The following CPNE8 variants were observed in gnomAD, a reference collection of about 807,000 sequenced individuals.
CPNE8 encodes the protein copine 8, also known as copine-8.
In CPNE8, 45 loss-of-function variants were observed where a neutral mutation model predicts 81.5. The ratio of observed to expected loss-of-function variants is 0.55; its 90% CI spans 0.44 to 0.71. The LOEUF (loss-of-function observed/expected upper bound fraction) is 0.71. CPNE8 is among the 30% of genes least tolerant of loss of function. The pLI is 0.00. For missense variants in CPNE8, 594 were observed against 672.1 expected, an observed-to-expected ratio of 0.88 and a Z score of 1.28; for synonymous variants, 252 against 226.3, an observed-to-expected ratio of 1.11 and a Z score of -1.02.
In CPNE8 at chr12:38,653,903, A is replaced by G; in HGVS notation, c.1674T>C (p.His558=). The G allele has an allele frequency of 6.2e-7, 1 of 1,613,086 alleles. No individual in the cohort carries two copies. The highest frequency in any genetic ancestry group is 8.5e-7 in the Non-Finnish European group (1 of 1,179,794). ...ACAGTCATATTTGAGTCTGTAACAC[A>G]TGTGTAGGTGGGGTGTATGGGGGAG... ...PAPPPYTPPT[H]VLQTQI Residue 558 remains histidine (H), a synonymous_variant, in exon 20 of 20, where the codon CAT becomes CAC. Transcript: ENST00000331366.
intron 13 of CPNE8, among the ~76,000 whole-genome samples, chr12:38,708,146 G>T (rs966810912): frequency 2.0e-5 from 3 of 152,112 alleles, no homozygotes; most frequent in Admixed American, 6.6e-5. Flanking sequence ...TAAATCAAGT[G>T]TCATATTCTA....
chr12:38,873,947 A>C (rs994627288), intron 2 of CPNE8, among the ~76,000 whole-genome samples: 10 of 150,698 alleles, frequency 6.6e-5, no homozygotes, highest in Admixed American at 2.0e-4. Context: ...CTTTTATTTT[A>C]TTTTTCTTTT....
chr12:38,685,450 C>T, intron 16 of CPNE8, 40 bp downstream of exon 16: 1 of 1,599,320 alleles, frequency 6.3e-7, no homozygotes. Flanking sequence ...CACCATGTTC[C>T]AGTACATCAG....
At position 38,721,525 on chromosome 12, in the gene CPNE8, T is replaced by A. The variant is rs184528184; in HGVS notation, c.914+2247A>T. ...CAGTTCTATTGCTCAATAAAACTCC[T>A]CTTCATCTTGGCTCACCCTTCATTT... On this transcript the variant is annotated intron_variant, in intron 13 of 19. Transcript: ENST00000331366. Among the ~76,000 whole-genome samples, 7 of 152,322 alleles carry A rather than the reference T, an allele frequency of 4.6e-5. No homozygotes were observed. In the East Asian group the frequency reaches 1.4e-3, roughly 29 times the overall value.
intron 19 of CPNE8, among the ~76,000 whole-genome samples, chr12:38,659,780 T>A (rs1288408913): frequency 6.6e-6 from 1 of 151,810 alleles, no homozygotes; most frequent in Non-Finnish European, 1.5e-5. Flanking sequence ...AACTGAACAA[T>A]CTGCTCAATG....
intron 14 of CPNE8, among the ~76,000 whole-genome samples, chr12:38,698,124 C>T (rs1322371276): frequency 1.3e-5 from 2 of 152,158 alleles, no homozygotes; most frequent in East Asian, 3.8e-4. Context: ...AATGATATCT[C>T]ATTATAGTTT....
chr12:38,732,578 G>T (rs1401791345), intron 10 of CPNE8, among the ~76,000 whole-genome samples: 1 of 151,910 alleles, frequency 6.6e-6, no homozygotes, highest in East Asian at 1.9e-4. Flanking sequence ...GTTCTGAAAG[G>T]ACCCTTTTTA....
intron 19 of CPNE8, among the ~76,000 whole-genome samples, chr12:38,659,773 T>C (rs1004681603): frequency 5.3e-5 from 8 of 152,088 alleles, no homozygotes; most frequent in African/African-American, 1.9e-4. Context: ...ATACGGAAAC[T>C]GAACAATCTG....
intron 13 of CPNE8, among the ~76,000 whole-genome samples, chr12:38,703,480 A>G (rs559158284): frequency 6.6e-6 from 1 of 152,288 alleles, no homozygotes; most frequent in East Asian, 1.9e-4. Context: ...GCCGTCTATG[A>G]CAAATTCACA....
Position 38,653,385 on chromosome 12 carries a change from G to A in CPNE8, c.*497C>T, listed in dbSNP as rs564871265. ...GTTTGTCCAGACAGTCATTCAAAGA[G>A]ATATTGCTCTTGTGATTATAGCTAT... On this transcript the variant is annotated 3_prime_UTR_variant, in exon 20 of 20. Coordinates refer to ENST00000331366, the MANE Select transcript of CPNE8 (RefSeq NM_153634.3). The A allele has an allele frequency of 1.3e-5, 2 of 152,692 alleles. No individual in the cohort carries two copies. Among genetic ancestry groups the A allele is most frequent in the African/African-American group, 4.8e-5 (2 of 41,562 alleles). The allele number at this position is 152,692 out of a possible 1,614,324, so 9.5% of individuals were successfully genotyped here.
chr12:38,735,025 G>A (rs1370697761), intron 10 of CPNE8, among the ~76,000 whole-genome samples: 1 of 152,080 alleles, frequency 6.6e-6, no homozygotes, highest in Non-Finnish European at 1.5e-5. Context: ...ATGAGAATTT[G>A]TAAACAAATT....
intron 10 of CPNE8, among the ~76,000 whole-genome samples, chr12:38,758,834 T>C (rs1360292866): frequency 6.6e-6 from 1 of 152,182 alleles, no homozygotes; most frequent in Non-Finnish European, 1.5e-5. Context: ...TTCAAAATTC[T>C]TGTGGCTCAG....
intron 15 of CPNE8, among the ~76,000 whole-genome samples, chr12:38,692,316 C>T (rs1335886653): frequency 6.6e-6 from 1 of 151,168 alleles, no homozygotes; most frequent in Admixed American, 6.6e-5. Flanking sequence ...AACAAATAAA[C>T]CAAAAAAAAA....
chr12:38,696,647 G>A (rs1004954196), intron 14 of CPNE8, among the ~76,000 whole-genome samples: 3 of 152,190 alleles, frequency 2.0e-5, no homozygotes, highest in East Asian at 1.9e-4. Context: ...ATCTGATTTT[G>A]CTTTAGAGAT....
chr12:38,855,624 TAGAC>T (rs902393725), intron 3 of CPNE8, among the ~76,000 whole-genome samples: 6 of 152,062 alleles, frequency 3.9e-5, no homozygotes, highest in African/African-American at 7.2e-5. Context: ...AAATTTCAGT[TAGAC>T]AGGAGGAATA....
intron 3 of CPNE8, among the ~76,000 whole-genome samples, chr12:38,862,189 C>G (rs1028133872): frequency 1.3e-5 from 2 of 151,916 alleles, no homozygotes; most frequent in African/African-American, 4.8e-5. Flanking sequence ...GCACCATAAG[C>G]ACATGTGGTC....
chr12:38,738,446 C>T (rs1941003732), intron 10 of CPNE8, among the ~76,000 whole-genome samples: 1 of 152,094 alleles, frequency 6.6e-6, no homozygotes, highest in African/African-American at 2.4e-5. Flanking sequence ...CCAAATTTGC[C>T]TAGAAGATTT....
chr12:38,817,972 G>A (rs1943054952), intron 6 of CPNE8, among the ~76,000 whole-genome samples: 1 of 152,052 alleles, frequency 6.6e-6, no homozygotes, highest in Non-Finnish European at 1.5e-5. Context: ...TAAGCATGCA[G>A]GCATGAAAGC....
chr12:38,724,824 A>C (rs772738399), intron 12 of CPNE8, 22 bp downstream of exon 12: 62 of 1,369,342 alleles, frequency 4.5e-5, no homozygotes, highest in Non-Finnish European at 6.2e-5. Context: ...ATCTTTAATA[A>C]ATAACATAAA....
Sources: allele counts gnomAD v4.1 joint callset (sites outside exome capture counted in the v4.1 genomes callset), GRCh38; gene constraint gnomAD v4.1.1; transcripts MANE v1.5; gene names NCBI Gene and HGNC (gene_info 2026-07-23, HGNC 2026-07-21).